Variants in GRM5 observed in about 807,000 individuals in gnomAD.
GRM5 encodes metabotropic glutamate receptor 5.
In GRM5, 19 loss-of-function variants were observed where a neutral mutation model predicts 83.1. The ratio of observed to expected loss-of-function variants is 0.23; its 90% CI spans 0.16 to 0.34. The LOEUF (loss-of-function observed/expected upper bound fraction) is 0.34. Ranked by LOEUF, GRM5 falls within the 10% of genes least tolerant of loss-of-function variation. The pLI is 1.00. For missense variants in GRM5, 1,160 were observed against 1,588.3 expected (o/e 0.73, Z 4.58); for synonymous variants, 675 against 633.6 (o/e 1.07, Z -0.98).
chr11:88,639,691 C>T (rs1939237695), intron 4 of GRM5, among the ~76,000 whole-genome samples: 1 of 151,790 alleles, frequency 6.6e-6, no homozygotes. Context: ...AGGTTCATGC[C>T]ATTCTCCTGC....
chr11:88,526,729 T>A (rs1376300390), intron 8 of GRM5, among the ~76,000 whole-genome samples: 1 of 114,738 alleles, frequency 8.7e-6, no homozygotes, highest in Non-Finnish European at 2.1e-5. Flanking sequence ...TTCCTCTTAA[T>A]TTTTTTTCCC....
chr11:88,574,561 G>A (rs1382744301), intron 7 of GRM5, among the ~76,000 whole-genome samples: 1 of 152,180 alleles, frequency 6.6e-6, no homozygotes, highest in Non-Finnish European at 1.5e-5. Context: ...AAGGTCAGGA[G>A]TTCAAGACAA....
At chr11:89,016,653 C>G (rs1940864350) in intron 2 of GRM5, among the ~76,000 whole-genome samples, 1 of 152,068 alleles carries the variant, frequency 6.6e-6, no homozygotes, top group South Asian at 2.1e-4. Flanking sequence ...TGTCAATTAG[C>G]AAGTATAACA....
chr11:88,688,061 C>T (rs1489581139), intron 3 of GRM5, among the ~76,000 whole-genome samples: 1 of 152,048 alleles, frequency 6.6e-6, no homozygotes, highest in Non-Finnish European at 1.5e-5. Flanking sequence ...TATCCATTTA[C>T]ATTAAGAGGT....
intron 2 of GRM5, among the ~76,000 whole-genome samples, chr11:88,883,722 G>A (rs775792501): frequency 6.6e-6 from 1 of 151,914 alleles, no homozygotes; most frequent in Non-Finnish European, 1.5e-5. Flanking sequence ...GGCTTAGGAG[G>A]AAAAAAATGG....
intron 2 of GRM5, among the ~76,000 whole-genome samples, chr11:88,906,661 A>T (rs1212986254): frequency 6.6e-6 from 1 of 152,202 alleles, no homozygotes; most frequent in Non-Finnish European, 1.5e-5. Flanking sequence ...TGGTGTAATG[A>T]ATGCAATACT....
chr11:88,978,474 T>A lies in GRM5; in HGVS notation c.661+68738A>T, dbSNP rs1313862569. On this transcript the variant is annotated intron_variant, in intron 2 of 9. Transcript: ENST00000305447. ...TAACATTAACAACAGCAGATGAGCT[T>A]AAAAAAAAAAAAAAAAAAAAAAAAA... Among the ~76,000 whole-genome samples, 410 of 97,928 alleles carry A rather than the reference T, an allele frequency of 4.2e-3. 4 individuals carry two copies. The highest frequency in any genetic ancestry group is 0.014 in the African/African-American group (392 of 27,164). 64.2% of individuals were successfully genotyped at this position (97,928 alleles called of 152,430 possible).
chr11:88,980,831 T>A (rs1224434628), intron 2 of GRM5, among the ~76,000 whole-genome samples: 2 of 151,752 alleles, frequency 1.3e-5, no homozygotes, highest in African/African-American at 4.8e-5. Context: ...TCAAAAAAAA[T>A]AAATAAATAA....
intron 3 of GRM5, among the ~76,000 whole-genome samples, chr11:88,810,576 T>C (rs1943571086): frequency 6.6e-6 from 1 of 152,054 alleles, no homozygotes; most frequent in Non-Finnish European, 1.5e-5. Flanking sequence ...GTAAGCATCC[T>C]GAAGAAGGCA....
chr11:88,794,773 A>T (rs1471931175), intron 3 of GRM5, among the ~76,000 whole-genome samples: 8 of 152,224 alleles, frequency 5.3e-5, no homozygotes, highest in African/African-American at 1.9e-4. Context: ...GAGGGTTATT[A>T]TGGTTACTTT....
intron 2 of GRM5, among the ~76,000 whole-genome samples, chr11:88,996,791 G>T (rs1940198912): frequency 6.6e-6 from 1 of 152,174 alleles, no homozygotes; most frequent in Non-Finnish European, 1.5e-5. Context: ...AAATCATGCA[G>T]AATGTGTTGT....
At chr11:88,854,167 A>G (rs1287590959) in intron 2 of GRM5, among the ~76,000 whole-genome samples, 1 of 151,604 alleles carries the variant, frequency 6.6e-6, no homozygotes, top group Non-Finnish European at 1.5e-5. Context: ...CATATTATTC[A>G]TTTTTGTACC....
At chr11:88,905,899 T>A (rs1264733209) in intron 2 of GRM5, among the ~76,000 whole-genome samples, 1 of 152,118 alleles carries the variant, frequency 6.6e-6, no homozygotes, top group South Asian at 2.1e-4. Context: ...GAGAAACATA[T>A]GCATTCTCTA....
chr11:88,575,468 G>A (rs1591359412), intron 7 of GRM5, among the ~76,000 whole-genome samples: 1 of 152,276 alleles, frequency 6.6e-6, no homozygotes, highest in South Asian at 2.1e-4. Context: ...TTACTCCTCT[G>A]AAAGAAGTCC....
chr11:88,751,072 C>CAAAAAAAAAA (rs774458890), intron 3 of GRM5, among the ~76,000 whole-genome samples: 25 of 47,340 alleles, frequency 5.3e-4, no homozygotes, highest in African/African-American at 1.6e-3. Context: ...TAGCAGAAGC[C>CAAAAAAAAAA]AAAAAAAAAA....
At chr11:88,606,923 G>C (rs1365029615) in intron 4 of GRM5, among the ~76,000 whole-genome samples, 1 of 146,458 alleles carries the variant, frequency 6.8e-6, no homozygotes, top group East Asian at 2.1e-4. Flanking sequence ...TGGAAGAAAT[G>C]TTTTCTTTAA....
chr11:88,550,558 G>C (rs1405248295), intron 8 of GRM5, among the ~76,000 whole-genome samples: 1 of 152,044 alleles, frequency 6.6e-6, no homozygotes, highest in Non-Finnish European at 1.5e-5. Flanking sequence ...TTGCTTTCAT[G>C]ACCAAACCAT....
chr11:88,923,241 C>G (rs1945724670), intron 2 of GRM5, among the ~76,000 whole-genome samples: 1 of 152,072 alleles, frequency 6.6e-6, no homozygotes, highest in Non-Finnish European at 1.5e-5. Flanking sequence ...GAAGAGATAC[C>G]TAGACTCCCA....
chr11:88,767,108 C>T (rs1349966593), intron 3 of GRM5, among the ~76,000 whole-genome samples: 1 of 151,886 alleles, frequency 6.6e-6, no homozygotes, highest in African/African-American at 2.4e-5. Flanking sequence ...TTCAGCCTCC[C>T]AGTATGCTGG....
Sources: allele counts gnomAD v4.1 joint callset (sites outside exome capture counted in the v4.1 genomes callset), GRCh38; gene constraint gnomAD v4.1.1; transcripts MANE v1.5; gene names NCBI Gene and HGNC (gene_info 2026-07-23, HGNC 2026-07-21).